SPOCK3: variants seen among roughly 807,000 people sequenced by gnomAD.
SPOCK3 encodes testican-3.
A neutral mutation model predicts 56.6 loss-of-function variants in SPOCK3; 30 were observed. The observed-to-expected ratio is 0.53, with a 90% CI of 0.40 to 0.72. SPOCK3 has a LOEUF of 0.72. Ranked by LOEUF, SPOCK3 falls within the 30% of genes least tolerant of loss-of-function variation. The pLI, the probability that SPOCK3 is intolerant of heterozygous loss-of-function variation, is 0.00. For missense variants in SPOCK3, 527 were observed against 530.0 expected (o/e 0.99, Z 0.06); for synonymous variants, 196 against 183.3 (o/e 1.07, Z -0.56).
chr4:166,887,670 G>A (rs1029227652), intron 6 of SPOCK3, among the ~76,000 whole-genome samples: 2 of 151,976 alleles, frequency 1.3e-5, no homozygotes, highest in African/African-American at 4.8e-5. Context: ...ACTACAGAAG[G>A]AACCACACTG....
chr4:167,178,788 A>C (rs1731201629), intron 2 of SPOCK3, among the ~76,000 whole-genome samples: 2 of 152,274 alleles, frequency 1.3e-5, no homozygotes, highest in Admixed American at 6.5e-5. Context: ...TGATTTCATA[A>C]AAATAAAAGA....
chr4:166,995,338 C>T (rs1471322238), intron 4 of SPOCK3, among the ~76,000 whole-genome samples: 1 of 151,826 alleles, frequency 6.6e-6, no homozygotes, highest in African/African-American at 2.4e-5. Context: ...GAAGAGGAAT[C>T]AAACAATGTT....
intron 3 of SPOCK3, among the ~76,000 whole-genome samples, chr4:167,016,272 CAT>C (rs1343876427): frequency 6.6e-6 from 1 of 151,932 alleles, no homozygotes; most frequent in South Asian, 2.1e-4. Flanking sequence ...ATAAAAAGAA[CAT>C]ATTTTTTAAA....
chr4:166,864,956 C>T (rs373425804), intron 6 of SPOCK3, among the ~76,000 whole-genome samples: 1 of 152,052 alleles, frequency 6.6e-6, no homozygotes, highest in African/African-American at 2.4e-5. Context: ...ACCCTGATAC[C>T]AAAACCTGGC....
chr4:167,078,638 T>C (rs1757427432), intron 2 of SPOCK3, among the ~76,000 whole-genome samples: 1 of 151,764 alleles, frequency 6.6e-6, no homozygotes, highest in African/African-American at 2.4e-5. Context: ...TGAATAATAA[T>C]AATAATAATA....
At chr4:167,034,631 C>A (rs1410519122) in intron 3 of SPOCK3, among the ~76,000 whole-genome samples, 1 of 152,082 alleles carries the variant, frequency 6.6e-6, no homozygotes, top group Non-Finnish European at 1.5e-5. Flanking sequence ...CTGTCACTAG[C>A]AAACTTTTAA....
In SPOCK3 at chr4:166,849,102, G is replaced by A. The variant is rs76068514; in HGVS notation, c.589+40028C>T. ...CATGAATATCTAAAACACAGGCCTT[G>A]TCATTGAGACTATGGGTTGTTGAAA... On this transcript the variant is annotated intron_variant, in intron 6 of 10. Coordinates refer to ENST00000357545, the MANE Select transcript of SPOCK3 (RefSeq NM_001040159.2). 2.7e-3 allele frequency among the ~76,000 whole-genome samples: 408 copies of A among 152,250 alleles called. 3 individuals carry two copies. The highest frequency in any genetic ancestry group is 9.1e-3 in the African/African-American group (379 of 41,544).
At chr4:166,815,045 T>C (rs1744239739) in intron 6 of SPOCK3, among the ~76,000 whole-genome samples, 1 of 152,124 alleles carries the variant, frequency 6.6e-6, no homozygotes, top group Admixed American at 6.6e-5. Flanking sequence ...CTTTTATCTT[T>C]TGATTCCATT....
rs573695138 is a variant in SPOCK3 at position 166,952,226 on chromosome 4, T to G, written c.351-39483A>C. Among the ~76,000 whole-genome samples, 36 of 152,268 alleles carry G rather than the reference T, an allele frequency of 2.4e-4. No individual in the cohort carries two copies. The East Asian group carries it at 6.9e-3, about 29-fold the overall frequency. ...AATCTCCTTAAGCTGATAAGCAACT[T>G]CAGCAAAGTCTCAGGATACAAAATC... On this transcript the variant is annotated intron_variant, in intron 4 of 10. Coordinates refer to ENST00000357545, the MANE Select transcript of SPOCK3 (RefSeq NM_001040159.2).
intron 7 of SPOCK3, among the ~76,000 whole-genome samples, chr4:166,778,155 T>C (rs888489250): frequency 9.2e-5 from 14 of 152,346 alleles, no homozygotes; most frequent in Non-Finnish European, 1.8e-4. Context: ...CAAAAAATTC[T>C]GAAAAGCAGA....
intron 2 of SPOCK3, among the ~76,000 whole-genome samples, chr4:167,123,257 ATAAGT>A (rs1242255282): frequency 1.3e-5 from 2 of 152,158 alleles, no homozygotes; most frequent in African/African-American, 2.4e-5. Context: ...TGAATGATAT[ATAAGT>A]TAATAATAAA....
Position 167,193,571 on chromosome 4 carries a change from C to T in SPOCK3, c.189+40414G>A, listed in dbSNP as rs561422182. ...TTATGCAGCACCATTTATACATCACCATTACAGTATCAGAATATCCCAATT... is the reference window on the plus strand; with the variant it reads ...TTATGCAGCACCATTTATACATCACTATTACAGTATCAGAATATCCCAATT... On this transcript the variant is annotated intron_variant, in intron 2 of 10. Coordinates refer to ENST00000357545, the MANE Select transcript of SPOCK3 (RefSeq NM_001040159.2). 2.7e-4 allele frequency among the ~76,000 whole-genome samples: 40 copies of T among 145,922 alleles called. 5 individuals are homozygous for T. The highest frequency in any genetic ancestry group is 1.0e-3 in the African/African-American group (40 of 38,230).
At chr4:166,990,193 C>A (rs1393500247) in intron 4 of SPOCK3, among the ~76,000 whole-genome samples, 2 of 152,170 alleles carry the variant, frequency 1.3e-5, no homozygotes, top group African/African-American at 4.8e-5. Context: ...GGCTAGCTGT[C>A]TCTCTGCCCA....
intron 10 of SPOCK3, among the ~76,000 whole-genome samples, chr4:166,736,004 C>G (rs551409992): frequency 6.6e-6 from 1 of 152,180 alleles, no homozygotes; most frequent in African/African-American, 2.4e-5. Flanking sequence ...GACTTTTCAA[C>G]TCCTCAAATG....
At chr4:167,194,600 T>G (rs1213092860) in intron 2 of SPOCK3, among the ~76,000 whole-genome samples, 1 of 152,208 alleles carries the variant, frequency 6.6e-6, no homozygotes, top group Non-Finnish European at 1.5e-5. Flanking sequence ...GACCTTTTCC[T>G]GTTTTAGTGC....
chr4:167,060,443 AT>A (rs1447274083), intron 3 of SPOCK3, among the ~76,000 whole-genome samples: 2 of 152,068 alleles, frequency 1.3e-5, no homozygotes. Flanking sequence ...AAATAGGATT[AT>A]TTTGCTCACT....
intron 2 of SPOCK3, among the ~76,000 whole-genome samples, chr4:167,191,882 T>C (rs569015454): frequency 1.4e-5 from 2 of 145,578 alleles, no homozygotes; most frequent in South Asian, 4.3e-4. Flanking sequence ...AAACCTTCAG[T>C]TTTCACCATT....
chr4:167,186,557 G>A (rs1580552125), intron 2 of SPOCK3, among the ~76,000 whole-genome samples: 1 of 152,038 alleles, frequency 6.6e-6, no homozygotes, highest in South Asian at 2.1e-4. Flanking sequence ...AACCCAGGAG[G>A]CGGAGGTTGC....
At chr4:167,227,647 G>C (rs949420290) in intron 2 of SPOCK3, among the ~76,000 whole-genome samples, 2 of 151,846 alleles carry the variant, frequency 1.3e-5, no homozygotes, top group African/African-American at 2.4e-5. Flanking sequence ...TTTCATAAAT[G>C]AAAAAAGACA....
Sources: allele counts gnomAD v4.1 joint callset (sites outside exome capture counted in the v4.1 genomes callset), GRCh38; gene constraint gnomAD v4.1.1; transcripts MANE v1.5; gene names NCBI Gene and HGNC (gene_info 2026-07-23, HGNC 2026-07-21).